Variants in GRK3 observed in about 807,000 individuals in gnomAD.
GRK3 encodes adrenergic, beta, receptor kinase 2.
In GRK3, 54 loss-of-function variants were observed where a neutral mutation model predicts 95.7. The observed-to-expected ratio is 0.56, with a 90% confidence interval of 0.45 to 0.71. The LOEUF (loss-of-function observed/expected upper bound fraction) is 0.71, where lower values mean the gene tolerates loss of function less well. GRK3 is among the 30% of genes least tolerant of loss of function. The probability of loss-of-function intolerance (pLI) is 0.00; values close to 1 mark genes in which losing one functional copy is unlikely to be tolerated. For synonymous variants in GRK3, 281 were observed against 290.8 expected, an observed-to-expected ratio of 0.97 and a Z score of 0.34; for missense variants, 649 against 851.2, an observed-to-expected ratio of 0.76 and a Z score of 2.96.
intron 2 of GRK3, among the ~76,000 whole-genome samples, chr22:25,632,598 C>T (rs2084671598): frequency 6.6e-6 from 1 of 152,056 alleles, no homozygotes; most frequent in African/African-American, 2.4e-5. Flanking sequence ...TTGCTTTAAC[C>T]CAAGGTTGCA....
At chr22:25,639,221 A>AT (rs1469380384) in intron 2 of GRK3, among the ~76,000 whole-genome samples, 1 of 152,166 alleles carries the variant, frequency 6.6e-6, no homozygotes, top group African/African-American at 2.4e-5. Context: ...ATAAAGTATA[A>AT]TTTATCATTT....
At chr22:25,648,864 A>G in intron 3 of GRK3, 1 of 968,782 alleles carries the variant, frequency 1.0e-6, no homozygotes. Flanking sequence ...AGCAAGGTTA[A>G]TTGAAGACAA....
intron 2 of GRK3, among the ~76,000 whole-genome samples, chr22:25,616,387 G>A (rs1224956315): frequency 6.7e-6 from 1 of 149,638 alleles, no homozygotes; most frequent in African/African-American, 2.5e-5. Context: ...AGAGAGGGAG[G>A]GAGAGAGAGA....
rs1020577829 is a variant in GRK3 at position 25,610,364 on chromosome 22, G to C, written c.190+5911G>C. 2.0e-4 allele frequency among the ~76,000 whole-genome samples: 31 copies of C among 152,272 alleles called. No homozygotes were observed. The Middle Eastern group carries it at 0.014, about 67-fold the overall frequency. ...TACCTGTAGTCCCAGCTACTCAGGA[G>C]GCTGAGGTGGGAGGGTTTCTTAAGC... On this transcript the variant is annotated intron_variant, in intron 2 of 20. Coordinates refer to ENST00000324198, the MANE Select transcript of GRK3 (RefSeq NM_005160.4).
chr22:25,578,356 A>G (rs1019538961), intron 1 of GRK3, among the ~76,000 whole-genome samples: 1 of 152,168 alleles, frequency 6.6e-6, no homozygotes, highest in African/African-American at 2.4e-5. Flanking sequence ...AGGCCAGAAG[A>G]AGGGGTTTCC....
At chr22:25,606,147 C>T (rs574079829) in intron 2 of GRK3, among the ~76,000 whole-genome samples, 190 of 152,352 alleles carry the variant, frequency 1.2e-3, no homozygotes, top group African/African-American at 3.6e-3. Flanking sequence ...ATCTCAGTTG[C>T]ACGGATTGTT....
At chr22:25,659,793 G>T (rs1221421877) in intron 3 of GRK3, among the ~76,000 whole-genome samples, 11 of 152,192 alleles carry the variant, frequency 7.2e-5, no homozygotes, top group Admixed American at 2.0e-4. Context: ...CTGTTGTCAA[G>T]TTGGAGCTTA....
intron 18 of GRK3, among the ~76,000 whole-genome samples, chr22:25,716,720 A>G (rs1240873830): frequency 6.6e-6 from 1 of 152,224 alleles, no homozygotes; most frequent in African/African-American, 2.4e-5. Context: ...ACCAATAAGA[A>G]TAACAATACA....
chr22:25,600,977 C>T (rs1046397872), intron 1 of GRK3, among the ~76,000 whole-genome samples: 2 of 152,134 alleles, frequency 1.3e-5, no homozygotes, highest in African/African-American at 2.4e-5. Flanking sequence ...CAACATTGTT[C>T]TTAAATATTC....
Position 25,572,310 on chromosome 22 carries a change from A to G in GRK3, c.113+7157A>G, listed in dbSNP as rs184163034. Among the ~76,000 whole-genome samples the G allele has an allele frequency of 6.3e-4, 96 of 152,306 alleles. 1 individual carries two copies. Among genetic ancestry groups the G allele is most frequent in the South Asian group, 4.6e-3 (22 of 4,828 alleles). ...CTTTGCTATTGTAAATAGTGCCGCA[A>G]TAAACATACGTGTGCATGTGTCTTT... On this transcript the variant is annotated intron_variant, in intron 1 of 20. Coordinates refer to ENST00000324198, the MANE Select transcript of GRK3 (RefSeq NM_005160.4).
At chr22:25,648,436 G>T in intron 3 of GRK3, 1 of 1,283,768 alleles carries the variant, frequency 7.8e-7, no homozygotes, top group Non-Finnish European at 1.1e-6. Flanking sequence ...TAATCTTTGC[G>T]ACTAGAGGTT....
At chr22:25,677,377 T>TAA (rs376997700) in intron 8 of GRK3, among the ~76,000 whole-genome samples, 675 of 42,538 alleles carry the variant, frequency 0.016, 6 homozygotes, top group Non-Finnish European at 0.025. Flanking sequence ...CCCCATATCT[T>TAA]AAAAAAAAAA....
intron 1 of GRK3, among the ~76,000 whole-genome samples, chr22:25,577,328 A>G (rs1354791502): frequency 3.9e-5 from 6 of 152,012 alleles, no homozygotes. Flanking sequence ...GTGCACCACC[A>G]TGCCTGGCTA....
intron 9 of GRK3, among the ~76,000 whole-genome samples, chr22:25,682,386 G>A (rs1009355047): frequency 2.0e-5 from 3 of 152,110 alleles, no homozygotes; most frequent in Admixed American, 6.5e-5. Flanking sequence ...ATGGAGGCTC[G>A]GAGATAGGGG....
chr22:25,711,020 G>T (rs1347500161), intron 16 of GRK3, 48 bp from the exon 17 acceptor site: 10 of 1,191,396 alleles, frequency 8.4e-6, no homozygotes, highest in Non-Finnish European at 1.1e-5. Context: ...TTGGGACAGG[G>T]CCATACGATC....
At chr22:25,711,894 G>A (rs1301296400) in intron 17 of GRK3, among the ~76,000 whole-genome samples, 1 of 152,164 alleles carries the variant, frequency 6.6e-6, no homozygotes, top group Non-Finnish European at 1.5e-5. Flanking sequence ...TTCTCCAGAA[G>A]GCTGCAGCAC....
chr22:25,596,234 G>C (rs1441730482), intron 1 of GRK3, among the ~76,000 whole-genome samples: 1 of 152,144 alleles, frequency 6.6e-6, no homozygotes, highest in East Asian at 1.9e-4. Flanking sequence ...TGGGTAGGTA[G>C]GTGAAAAACC....
At chr22:25,641,616 A>T (rs1232799555) in intron 2 of GRK3, among the ~76,000 whole-genome samples, 1 of 152,214 alleles carries the variant, frequency 6.6e-6, no homozygotes, top group African/African-American at 2.4e-5. Context: ...ACAGCAGGAC[A>T]GTGAGAATGA....
At chr22:25,579,844 A>G (rs1256359791) in intron 1 of GRK3, among the ~76,000 whole-genome samples, 1 of 152,124 alleles carries the variant, frequency 6.6e-6, no homozygotes, top group Non-Finnish European at 1.5e-5. Flanking sequence ...AAAAATCCCC[A>G]TTTTGCAATT....
Sources: allele counts gnomAD v4.1 joint callset (sites outside exome capture counted in the v4.1 genomes callset), GRCh38; gene constraint gnomAD v4.1.1; transcripts MANE v1.5; gene names NCBI Gene and HGNC (gene_info 2026-07-23, HGNC 2026-07-21).